Variants in AFF1 observed in about 807,000 individuals in gnomAD.
The protein encoded by AFF1 is AF4/FMR2 family member 1.
A neutral mutation model predicts 121.7 loss-of-function variants in AFF1; 48 were observed. The observed-to-expected ratio is 0.39, with a 90% confidence interval of 0.31 to 0.50. AFF1 has a LOEUF of 0.50. AFF1 is among the 20% of genes least tolerant of loss of function. The pLI is 0.76. For synonymous variants in AFF1, 613 were observed against 563.0 expected (o/e 1.09, Z -1.26); for missense variants, 1,523 against 1,511.7 (o/e 1.01, Z -0.12).
intron 18 of AFF1, among the ~76,000 whole-genome samples, 192 bp downstream of exon 18, chr4:87,132,056 G>T (rs151069539): frequency 5.3e-5 from 8 of 152,136 alleles, no homozygotes; most frequent in African/African-American, 1.9e-4. Context: ...CTGATGGCTT[G>T]GTAAATGCTT....
At chr4:87,104,275 T>C (rs576180229) in intron 8 of AFF1, among the ~76,000 whole-genome samples, 97 of 152,182 alleles carry the variant, frequency 6.4e-4, no homozygotes, top group Non-Finnish European at 1.1e-3. Flanking sequence ...CATGGTGGCC[T>C]GTGCCTGTAG....
At chr4:87,005,947 A>C (rs1284561942) in intron 2 of AFF1, among the ~76,000 whole-genome samples, 1 of 151,112 alleles carries the variant, frequency 6.6e-6, no homozygotes, top group Non-Finnish European at 1.5e-5. Context: ...GCACAGTGAA[A>C]AGACAATGTC....
intron 5 of AFF1, among the ~76,000 whole-genome samples, chr4:87,084,602 A>AAAT (rs1184968045): frequency 8.2e-6 from 1 of 122,436 alleles, no homozygotes; most frequent in African/African-American, 2.9e-5. Context: ...ATAAATAAAT[A>AAAT]AAAAATAAAG....
chr4:86,990,797 ATT>A (rs1724641248), intron 2 of AFF1, among the ~76,000 whole-genome samples: 7 of 151,958 alleles, frequency 4.6e-5, no homozygotes, highest in African/African-American at 1.5e-4. Context: ...GGTGGAAAAT[ATT>A]TATTTATTAT....
chr4:86,953,865 C>T (rs574722360), intron 2 of AFF1, among the ~76,000 whole-genome samples: 6 of 152,124 alleles, frequency 3.9e-5, no homozygotes, highest in East Asian at 3.9e-4. Context: ...CGCACCACCA[C>T]GCCCAGCTAA....
At chr4:86,947,762 A>G (rs1175807263) in intron 1 of AFF1, among the ~76,000 whole-genome samples, 2 of 152,042 alleles carry the variant, frequency 1.3e-5, no homozygotes, top group Non-Finnish European at 2.9e-5. Flanking sequence ...TTTTTCCCCC[A>G]AATTCAGTCT....
rs571544376 is a variant in AFF1 at position 87,136,930 on chromosome 4, A to G, written c.*1229A>G. The G allele has an allele frequency of 9.5e-5, 21 of 221,038 alleles. No homozygotes were observed. The highest frequency in any genetic ancestry group is 1.7e-4 in the Admixed American group (3 of 17,348). The allele number at this position is 221,038 out of a possible 1,614,324, so 13.7% of individuals were successfully genotyped here. ...TCATCACCACATGCCTTCACTCCAGAGTGTTCTCAGCTAGATTTGATTTGG... is the reference window on the plus strand; with the variant it reads ...TCATCACCACATGCCTTCACTCCAGGGTGTTCTCAGCTAGATTTGATTTGG... On this transcript the variant is annotated 3_prime_UTR_variant, in exon 21 of 21. Transcript: ENST00000395146.
intron 4 of AFF1, among the ~76,000 whole-genome samples, chr4:87,079,707 C>T (rs1722988886): frequency 6.6e-6 from 1 of 152,166 alleles, no homozygotes; most frequent in South Asian, 2.1e-4. Flanking sequence ...AGGATTCAGT[C>T]TCCTCGTTTT....
At chr4:86,941,928 A>C (rs1471724141) in intron 1 of AFF1, among the ~76,000 whole-genome samples, 1 of 150,084 alleles carries the variant, frequency 6.7e-6, no homozygotes, top group Non-Finnish European at 1.5e-5. Context: ...GTCTCCGAAC[A>C]CCTTTCCAAT....
At chr4:86,986,852 T>C (rs140269056) in intron 2 of AFF1, among the ~76,000 whole-genome samples, 5 of 152,184 alleles carry the variant, frequency 3.3e-5, no homozygotes, top group African/African-American at 9.6e-5. Flanking sequence ...GTGGTTATTA[T>C]TATTATTTTT....
At chr4:87,124,921 T>C in intron 12 of AFF1, 116 bp from the exon 13 acceptor site, 2 of 751,056 alleles carry the variant, frequency 2.7e-6, no homozygotes, top group South Asian at 4.8e-5. Flanking sequence ...TTGCTGTGCG[T>C]ACAGAGATGT....
chr4:87,071,016 A>C lies in AFF1; in HGVS notation c.1060-13104A>C, dbSNP rs551337133. 6.4e-3 allele frequency among the ~76,000 whole-genome samples: 976 copies of C among 152,304 alleles called. 13 individuals carry two copies. Among genetic ancestry groups the C allele is most frequent in the African/African-American group, 0.023 (939 of 41,542 alleles). On this transcript the variant is annotated intron_variant, in intron 4 of 20. Transcript: ENST00000395146. ...GAAAAAGCAGTGAGAAAGGAAGAAGAACCCCCAATTTTTTCTTTGATTGAT... is the reference window on the plus strand; with the variant it reads ...GAAAAAGCAGTGAGAAAGGAAGAAGCACCCCCAATTTTTTCTTTGATTGAT...
At chr4:86,952,059 T>G (rs1228414500) in intron 2 of AFF1, among the ~76,000 whole-genome samples, 2 of 152,216 alleles carry the variant, frequency 1.3e-5, no homozygotes, top group Non-Finnish European at 2.9e-5. Context: ...GGCTGTCTTT[T>G]GCTCCATTGA....
chr4:87,093,332 GA>G (rs1485096586), intron 7 of AFF1, among the ~76,000 whole-genome samples: 1 of 152,094 alleles, frequency 6.6e-6, no homozygotes, highest in Non-Finnish European at 1.5e-5. Flanking sequence ...AATGTGACCT[GA>G]AAAAGAGGGA....
At chr4:87,127,527 T>G (rs1217994041) in intron 15 of AFF1, 116 bp from the exon 16 acceptor site, 1 of 892,108 alleles carries the variant, frequency 1.1e-6, no homozygotes, top group East Asian at 2.6e-5. Flanking sequence ...CTTCTTTGTT[T>G]ACCCTCTCTC....
At chr4:87,079,562 C>A (rs572260694) in intron 4 of AFF1, among the ~76,000 whole-genome samples, 1 of 152,324 alleles carries the variant, frequency 6.6e-6, no homozygotes, top group East Asian at 1.9e-4. Context: ...GAATCACACA[C>A]CCTCCTAAAA....
chr4:87,041,214 A>T (rs1302040233), intron 2 of AFF1, among the ~76,000 whole-genome samples: 1 of 152,138 alleles, frequency 6.6e-6, no homozygotes, highest in Non-Finnish European at 1.5e-5. Context: ...TTCAGTTGGA[A>T]AATGGGGTTA....
At chr4:87,091,442 A>C (rs1037248027) in intron 6 of AFF1, among the ~76,000 whole-genome samples, 1 of 152,188 alleles carries the variant, frequency 6.6e-6, no homozygotes, top group African/African-American at 2.4e-5. Context: ...GTGACTCATT[A>C]TTGCTTGTTT....
At chr4:87,132,498 T>C in intron 19 of AFF1, 90 bp downstream of exon 19, 3 of 1,355,406 alleles carry the variant, frequency 2.2e-6, no homozygotes, top group Non-Finnish European at 3.0e-6. Flanking sequence ...TGCTTACATA[T>C]GTCACTTTGC....
Sources: gnomAD v4.1 joint callset for allele counts (sites outside exome capture counted in the v4.1 genomes callset) on GRCh38, gnomAD v4.1.1 for gene constraint, MANE v1.5 for transcripts, NCBI Gene and HGNC (gene_info 2026-07-23, HGNC 2026-07-21) for gene names.